Variants in ULK4 observed in about 807,000 individuals in gnomAD.
ULK4 encodes the protein inactive serine/threonine-protein kinase ULK4.
A neutral mutation model predicts 160.6 loss-of-function variants in ULK4; 133 were observed. The observed-to-expected ratio is 0.83, with a 90% confidence interval of 0.72 to 0.96. The LOEUF is 0.96. ULK4 is among the 40% of genes least tolerant of loss of function. The pLI, the probability that ULK4 is intolerant of heterozygous loss-of-function variation, is 0.00. For synonymous variants in ULK4, 534 were observed against 539.8 expected (o/e 0.99, Z 0.15); for missense variants, 1,580 against 1,499.5 (o/e 1.05, Z -0.89).
intron 20 of ULK4, among the ~76,000 whole-genome samples, chr3:41,794,385 G>T (rs2040232112): frequency 1.3e-5 from 2 of 152,070 alleles, no homozygotes; most frequent in South Asian, 2.1e-4. Flanking sequence ...TGTGCATAAG[G>T]CCGGACGCTG....
chr3:41,497,776 C>T (rs1460482383), intron 32 of ULK4, among the ~76,000 whole-genome samples: 5 of 152,030 alleles, frequency 3.3e-5, no homozygotes, highest in Admixed American at 6.6e-5. Flanking sequence ...CACCTACTCA[C>T]GAGGTTGAGG....
chr3:41,271,393 C>CTTT (rs35652378), intron 35 of ULK4, among the ~76,000 whole-genome samples: 12 of 138,688 alleles, frequency 8.7e-5, no homozygotes, highest in African/African-American at 2.9e-4. Flanking sequence ...ATCAATAGTT[C>CTTT]TTTTTTTTTT....
chr3:41,956,920 G>A (rs9842305), intron 1 of ULK4, among the ~76,000 whole-genome samples: 103,757 of 152,098 alleles, frequency 0.68, 39,049 homozygotes, highest in East Asian at 0.83. Context: ...AAAAAAGTTT[G>A]CCAACCCCTG....
At chr3:41,748,288 T>C (rs2038491863) in intron 22 of ULK4, among the ~76,000 whole-genome samples, 1 of 151,274 alleles carries the variant, frequency 6.6e-6, no homozygotes, top group Non-Finnish European at 1.5e-5. Flanking sequence ...ATATATTATA[T>C]ATATACACAC....
intron 23 of ULK4, among the ~76,000 whole-genome samples, chr3:41,716,088 CTGTAGTCCCAGCTACT>C (rs1185985257): frequency 1.3e-5 from 2 of 151,274 alleles, no homozygotes; most frequent in Non-Finnish European, 2.9e-5. Context: ...TGGTGTGCGC[CTGTAGTCCCAGCTACT>C]TGGGAGGCTG....
intron 21 of ULK4, among the ~76,000 whole-genome samples, chr3:41,782,304 G>C (rs927827428): frequency 1.3e-5 from 2 of 151,992 alleles, no homozygotes; most frequent in Non-Finnish European, 2.9e-5. Flanking sequence ...GTCCTGTTTA[G>C]ATTTTTTAAG....
At chr3:41,811,605 A>G (rs1216938046) in intron 19 of ULK4, among the ~76,000 whole-genome samples, 1 of 152,232 alleles carries the variant, frequency 6.6e-6, no homozygotes, top group East Asian at 1.9e-4. Context: ...GTTTTAAATT[A>G]TAAATTTTTT....
intron 31 of ULK4, among the ~76,000 whole-genome samples, chr3:41,593,068 C>T (rs2031461645): frequency 6.6e-6 from 1 of 152,204 alleles, no homozygotes. Context: ...TATTTCTTCC[C>T]TAACTCCCCT....
At chr3:41,714,852 T>TAAAAAAAAAAAAAAAAAA (rs60470015) in intron 25 of ULK4, among the ~76,000 whole-genome samples, 2 of 131,354 alleles carry the variant, frequency 1.5e-5, no homozygotes, top group African/African-American at 3.3e-5. Flanking sequence ...ACTCTGTCTT[T>TAAAAAAAAAAAAAAAAAA]AAAAAAAAAA....
chr3:41,821,024 C>G (rs1392088059), intron 18 of ULK4, among the ~76,000 whole-genome samples: 2 of 152,152 alleles, frequency 1.3e-5, no homozygotes, highest in Non-Finnish European at 2.9e-5. Context: ...AAATGCCCAC[C>G]ACAACCCTTA....
intron 17 of ULK4, among the ~76,000 whole-genome samples, chr3:41,850,085 A>G (rs970574067): frequency 6.6e-6 from 1 of 152,034 alleles, no homozygotes; most frequent in African/African-American, 2.4e-5. Context: ...CCTTGTCATA[A>G]TTTGCTGAGA....
At chr3:41,350,365 T>C (rs1188097937) in intron 35 of ULK4, among the ~76,000 whole-genome samples, 2 of 152,246 alleles carry the variant, frequency 1.3e-5, no homozygotes, top group Non-Finnish European at 2.9e-5. Context: ...TAACTAATTT[T>C]ATTTCATTGG....
At chr3:41,643,299 T>C (rs556698962) in intron 30 of ULK4, among the ~76,000 whole-genome samples, 40 of 152,268 alleles carry the variant, frequency 2.6e-4, no homozygotes, top group African/African-American at 9.4e-4. Context: ...TGCCTAGGTT[T>C]TCTTCTACGG....
chr3:41,650,201 C>T (rs1368861866), intron 30 of ULK4, among the ~76,000 whole-genome samples: 2 of 152,218 alleles, frequency 1.3e-5, no homozygotes. Flanking sequence ...GCTCAATATA[C>T]AGTTGTCCAC....
intron 34 of ULK4, among the ~76,000 whole-genome samples, chr3:41,454,418 T>G (rs1355518560): frequency 3.3e-5 from 5 of 150,556 alleles, no homozygotes; most frequent in Non-Finnish European, 7.4e-5. Flanking sequence ...TGGGCACCTG[T>G]AATCCCAGCT....
chr3:41,381,460 T>C (rs2081650558), intron 35 of ULK4, among the ~76,000 whole-genome samples: 2 of 152,154 alleles, frequency 1.3e-5, no homozygotes, highest in Non-Finnish European at 2.9e-5. Context: ...AAATGTAAAA[T>C]GTTCAAAACT....
chr3:41,280,193 C>A (rs899616720), intron 35 of ULK4, among the ~76,000 whole-genome samples: 5 of 152,142 alleles, frequency 3.3e-5, no homozygotes, highest in African/African-American at 4.8e-5. Flanking sequence ...GACTTAGACT[C>A]CTACACAATA....
chr3:41,562,649 A>G (rs906228406), intron 32 of ULK4, among the ~76,000 whole-genome samples: 1 of 152,080 alleles, frequency 6.6e-6, no homozygotes, highest in Non-Finnish European at 1.5e-5. Flanking sequence ...TTGTTGGTTT[A>G]AAGTCTGTTT....
intron 32 of ULK4, among the ~76,000 whole-genome samples, chr3:41,492,060 C>A (rs2084792343): frequency 6.6e-6 from 1 of 151,744 alleles, no homozygotes; most frequent in South Asian, 2.1e-4. Context: ...AGGACATGAA[C>A]TCATCATTTT....
Sources: gnomAD v4.1 joint callset for allele counts (sites outside exome capture counted in the v4.1 genomes callset) on GRCh38, gnomAD v4.1.1 for gene constraint, MANE v1.5 for transcripts, NCBI Gene and HGNC (gene_info 2026-07-23, HGNC 2026-07-21) for gene names.